Variants in CD34 observed in about 807,000 individuals in gnomAD.
CD34 encodes CD34 molecule, also known as hematopoietic progenitor cell antigen CD34.
Under a neutral mutation model 40.1 loss-of-function variants are expected in CD34, and 34 were observed. The observed-to-expected ratio is 0.85, with a 90% CI of 0.65 to 1.13. CD34 has a LOEUF of 1.13. CD34 is among the 50% of genes most tolerant of loss of function. The probability of loss-of-function intolerance (pLI) is 0.00; values close to 1 mark genes in which losing one functional copy is unlikely to be tolerated. For missense variants in CD34, 426 were observed against 466.9 expected, an observed-to-expected ratio of 0.91 and a Z score of 0.81; for synonymous variants, 209 against 190.0, an observed-to-expected ratio of 1.10 and a Z score of -0.82.
chr1:207,890,995 G>A (rs1662020462), intron 4 of CD34, among the ~76,000 whole-genome samples: 1 of 152,038 alleles, frequency 6.6e-6, no homozygotes, highest in Admixed American at 6.5e-5. Context: ...GTTGTCTCAG[G>A]GGAGCCTTAC....
intron 4 of CD34, among the ~76,000 whole-genome samples, chr1:207,892,320 G>A (rs1436219841): frequency 6.6e-6 from 1 of 152,202 alleles, no homozygotes; most frequent in African/African-American, 2.4e-5. Flanking sequence ...GCTCATGCCT[G>A]TAATCCCAGC....
In CD34 at chr1:207,887,615, G is replaced by C; in HGVS notation, c.*123C>G. 1 of 1,373,246 alleles carries C rather than the reference G, an allele frequency of 7.3e-7. No homozygotes were observed. Among genetic ancestry groups the C allele is most frequent in the South Asian group, 1.4e-5 (1 of 73,130 alleles). 85.1% of individuals were successfully genotyped at this position (1,373,246 alleles called of 1,614,324 possible). ...TAGGGCCCCAAGAACAGCCTCTGAG[G>C]TGTGTGCAGTGGGGAAGGGTTGGGC... On this transcript the variant is annotated 3_prime_UTR_variant, in exon 8 of 8. Coordinates refer to ENST00000310833, the MANE Select transcript of CD34 (RefSeq NM_001025109.2).
chr1:207,889,696 A>T, intron 4 of CD34, 75 bp from the exon 5 acceptor site: 5 of 1,607,886 alleles, frequency 3.1e-6, no homozygotes, highest in Non-Finnish European at 4.2e-6. Flanking sequence ...AGAGTCTCTG[A>T]TTACAGTCAT....
intron 4 of CD34, chr1:207,889,991 T>G (rs1661999222): frequency 7.0e-7 from 1 of 1,429,032 alleles, no homozygotes; most frequent in African/African-American, 1.5e-5. Context: ...AATATTCTGT[T>G]TCAAGATTAC....
Position 207,886,218 on chromosome 1 carries a change from T to G in CD34, c.*1520A>C, listed in dbSNP as rs1374307640. 2 of 152,194 alleles carry G rather than the reference T, an allele frequency of 1.3e-5. No homozygotes were observed. Among genetic ancestry groups the G allele is most frequent in the African/African-American group, 4.8e-5 (2 of 41,392 alleles). The allele number at this position is 152,194 out of a possible 1,614,324, so 9.4% of individuals were successfully genotyped here. A position where few individuals can be genotyped will look rare whatever the true frequency, so the allele number is the denominator to read the frequency against. On this transcript the variant is annotated 3_prime_UTR_variant, in exon 8 of 8. Transcript: ENST00000310833. ...TATTTTGCAGCAGTGATCAGCATGCTCCTCTTCTCAGAAGGGTGTTCATGA... is the reference window on the plus strand; with the variant it reads ...TATTTTGCAGCAGTGATCAGCATGCGCCTCTTCTCAGAAGGGTGTTCATGA...
chr1:207,885,697 G>T lies in CD34; in HGVS notation c.*2041C>A, dbSNP rs1346317659. 1.3e-5 allele frequency: 2 copies of T among 152,102 alleles called. No homozygotes were observed. Among genetic ancestry groups the T allele is most frequent in the Non-Finnish European group, 2.9e-5 (2 of 68,066 alleles). The allele number at this position is 152,102 out of a possible 1,614,324, so 9.4% of individuals were successfully genotyped here. ...CTCAAGGCAGCCATCGCCTTTGAGG[G>T]AAGACTCTGAACCTCATCATTTCGC... On this transcript the variant is annotated 3_prime_UTR_variant, in exon 8 of 8. Transcript: ENST00000310833.
intron 4 of CD34, among the ~76,000 whole-genome samples, chr1:207,890,895 T>C (rs1662018559): frequency 6.6e-6 from 1 of 152,208 alleles, no homozygotes; most frequent in Non-Finnish European, 1.5e-5. Context: ...GTTCTAACTC[T>C]GGAAAAATCC....
rs564654132 is a variant in CD34 at position 207,891,042 on chromosome 1, G to A, written c.598-1421C>T. Among the ~76,000 whole-genome samples, 12 of 152,238 alleles carry A rather than the reference G, an allele frequency of 7.9e-5. No homozygotes were observed. In the South Asian group the frequency reaches 1.5e-3, roughly 18 times the overall value. On this transcript the variant is annotated intron_variant, in intron 4 of 7. Coordinates refer to ENST00000310833, the MANE Select transcript of CD34 (RefSeq NM_001025109.2). ...TTGAGCACCCCCGCTCCCCAGCACC[G>A]AGAGTCTGGATGAGGAGGAGGGGGT...
chr1:207,896,621 T>G lies in CD34; in HGVS notation c.597+872A>C, dbSNP rs76469899. Among the ~76,000 whole-genome samples the G allele has an allele frequency of 1.1e-3, 160 of 152,094 alleles. 5 individuals carry two copies. The East Asian group carries it at 0.022, about 21-fold the overall frequency. On this transcript the variant is annotated intron_variant, in intron 4 of 7. Coordinates refer to ENST00000310833, the MANE Select transcript of CD34 (RefSeq NM_001025109.2). ...CTATGTGACAAATAGGCCTATGACA[T>G]CCATCAAATCTAGAGAAAAAAGCTA...
In CD34 at chr1:207,882,622, C is replaced by T. The variant is rs188486809; in HGVS notation, c.*5116G>A. Reference sequence around the variant, plus strand: ...TTGCAGCATGCTTGAAACAAAAGAACAGAAACACTCAGCAAAGAAATAGAA... The same window carrying T: ...TTGCAGCATGCTTGAAACAAAAGAATAGAAACACTCAGCAAAGAAATAGAA... On this transcript the variant is annotated 3_prime_UTR_variant, in exon 8 of 8. Transcript: ENST00000310833. The T allele has an allele frequency of 6.6e-6, 1 of 152,302 alleles. No individual in the cohort carries two copies. Among genetic ancestry groups the T allele is most frequent in the Admixed American group, 6.5e-5 (1 of 15,304 alleles). 9.4% of individuals were successfully genotyped at this position (152,302 alleles called of 1,614,324 possible).
intron 1 of CD34, among the ~76,000 whole-genome samples, chr1:207,903,288 C>G (rs1039710868): frequency 6.6e-6 from 1 of 152,198 alleles, no homozygotes; most frequent in African/African-American, 2.4e-5. Flanking sequence ...ACTGACCTTT[C>G]TTTATCTGAC....
At chr1:207,895,894 A>G (rs1349552576) in intron 4 of CD34, among the ~76,000 whole-genome samples, 4 of 152,226 alleles carry the variant, frequency 2.6e-5, no homozygotes, top group African/African-American at 9.6e-5. Flanking sequence ...CATCAGAAAC[A>G]TGCTGCATGT....
chr1:207,903,993 G>A (rs771729243), intron 1 of CD34, among the ~76,000 whole-genome samples: 3 of 111,948 alleles, frequency 2.7e-5, no homozygotes, highest in Admixed American at 8.0e-5. Flanking sequence ...AGTCCTTTTC[G>A]GGGGGGTATT....
chr1:207,910,688 G>T (rs988640558), intron 1 of CD34, among the ~76,000 whole-genome samples: 1 of 146,388 alleles, frequency 6.8e-6, no homozygotes, highest in African/African-American at 2.7e-5. Flanking sequence ...CGCACTCCGC[G>T]CCTCTGGCAA....
chr1:207,903,787 TAAG>T (rs1479974690), intron 1 of CD34, among the ~76,000 whole-genome samples: 1 of 152,276 alleles, frequency 6.6e-6, no homozygotes, highest in Non-Finnish European at 1.5e-5. Flanking sequence ...AAGCAAATAA[TAAG>T]GAGAAGCAAC....
Position 207,888,841 on chromosome 1 carries a change from C to G in CD34, c.813G>C (p.Gly271=). 6.2e-7 allele frequency: 1 copy of G among 1,613,954 alleles called. No homozygotes were observed. Residue 271 remains glycine, a synonymous_variant, in exon 7 of 8, where the codon GGG becomes GGC. Coordinates refer to ENST00000310833, the MANE Select transcript of CD34 (RefSeq NM_001025109.2). ...CATCTTGCTCAGTGAAATCTAGGAT[C>G]CCCAGCTTGAAAAGAAGACAAAGAA... is the stretch of plus-strand genomic sequence containing the variant. ...KKHQSDLKKL[G]ILDFTEQDVA... is the part of the protein sequence containing the mutation.
intron 3 of CD34, 49 bp downstream of exon 3, chr1:207,898,924 T>G: frequency 6.3e-7 from 1 of 1,599,248 alleles, no homozygotes; most frequent in Admixed American, 1.7e-5. Context: ...CTTGCCTGCA[T>G]ACATATGAAG....
At chr1:207,901,739 G>C (rs1368408310) in intron 1 of CD34, among the ~76,000 whole-genome samples, 5 of 152,188 alleles carry the variant, frequency 3.3e-5, no homozygotes, top group Non-Finnish European at 1.5e-5. Context: ...ACCTTGAAAT[G>C]TTTAGAAATA....
At chr1:207,900,419 T>C (rs776213410) in intron 1 of CD34, among the ~76,000 whole-genome samples, 6 of 152,216 alleles carry the variant, frequency 3.9e-5, no homozygotes, top group Non-Finnish European at 8.8e-5. Flanking sequence ...CATACTAAAA[T>C]ATAAAATTAC....
Sources: allele counts gnomAD v4.1 joint callset (sites outside exome capture counted in the v4.1 genomes callset), GRCh38; gene constraint gnomAD v4.1.1; transcripts MANE v1.5; gene names NCBI Gene and HGNC (gene_info 2026-07-23, HGNC 2026-07-21).